The following UFSP2 variants were observed in gnomAD, a reference collection of about 807,000 sequenced individuals.
The protein encoded by UFSP2 is UFM1 specific peptidase 2.
Under a neutral mutation model 60.2 loss-of-function variants are expected in UFSP2, and 43 were observed. That is an observed-to-expected ratio of 0.71 (90% CI 0.56 to 0.92). The LOEUF is 0.92. Among genes scored for constraint, UFSP2 ranks in the 40% least tolerant of loss-of-function variants. UFSP2 has a pLI of 0.00. For synonymous variants in UFSP2, 183 were observed against 195.1 expected (o/e 0.94, Z 0.52); for missense variants, 520 against 575.0 (o/e 0.90, Z 0.98).
intron 7 of UFSP2, among the ~76,000 whole-genome samples, chr4:185,409,669 G>A (rs1218923787): frequency 6.6e-6 from 1 of 152,134 alleles, no homozygotes. Context: ...CCTAATCCCT[G>A]GAACTTGTGA....
At chr4:185,415,099 A>G in intron 6 of UFSP2, 56 bp downstream of exon 6, 3 of 1,391,020 alleles carry the variant, frequency 2.2e-6, no homozygotes, top group Non-Finnish European at 2.9e-6. Context: ...ATAATTAAAT[A>G]CAAAATGAAT....
At position 185,415,697 on chromosome 4, in the gene UFSP2, T is replaced by C. The variant is rs767836116; in HGVS notation, c.491+13A>G. The stretch of plus-strand genomic sequence containing the variant: ...TCATTCAAATGTGGCAGTGGTACTA[T>C]AAAAATACTTACTTTCCCCATGTTT... On this transcript the variant is annotated intron_variant, in intron 5 of 11. Coordinates refer to ENST00000264689, the MANE Select transcript of UFSP2 (RefSeq NM_018359.5). 3.1e-6 allele frequency: 5 copies of C among 1,602,602 alleles called. No homozygotes were observed. Among genetic ancestry groups the C allele is most frequent in the Non-Finnish European group, 4.3e-6 (5 of 1,174,972 alleles).
At chr4:185,403,694 A>T (rs761013250) in intron 10 of UFSP2, 76 bp from the exon 11 acceptor site, 16 of 1,541,828 alleles carry the variant, frequency 1.0e-5, no homozygotes, top group African/African-American at 1.4e-5. Context: ...AAATAGACAG[A>T]TTACGGCCGG....
In UFSP2 at chr4:185,399,913, C is replaced by T. The variant is rs1053218; in HGVS notation, c.*479G>A. 0.74 allele frequency: 1,144,584 copies of T among 1,539,990 alleles called. 432,646 individuals are homozygous for T. The highest frequency in any genetic ancestry group is 0.9 in the East Asian group (38,345 of 42,802). Reference sequence around the variant, plus strand: ...CATTAACATTTTAGTACTGGTTATACTTACCAGAGTCTAGAGACCAAAAAT... The same window carrying T: ...CATTAACATTTTAGTACTGGTTATATTTACCAGAGTCTAGAGACCAAAAAT... On this transcript the variant is annotated 3_prime_UTR_variant, in exon 12 of 12. Transcript: ENST00000264689.
chr4:185,407,524 TAGAA>T (rs1430390112), intron 9 of UFSP2, among the ~76,000 whole-genome samples: 10 of 152,116 alleles, frequency 6.6e-5, no homozygotes, highest in Non-Finnish European at 8.8e-5. Context: ...ATTAACGTTT[TAGAA>T]AGAAAAAGAG....
rs2095511853 is a variant in UFSP2 at position 185,400,374 on chromosome 4, C to CT, written c.*17dup. The CT allele has an allele frequency of 6.3e-7, 1 of 1,587,216 alleles. No individual in the cohort carries two copies. Among genetic ancestry groups the CT allele is most frequent in the Non-Finnish European group, 8.6e-7 (1 of 1,157,866 alleles). Reference sequence around the variant, plus strand: ...ATTTATAATACCACTCTACTGCAGTCTTTGACTCCAAGATATTTTAAATCA... The same window carrying CT: ...ATTTATAATACCACTCTACTGCAGTCTTTTGACTCCAAGATATTTTAAATCA... On this transcript the variant is annotated 3_prime_UTR_variant, in exon 12 of 12. Transcript: ENST00000264689.
intron 4 of UFSP2, among the ~76,000 whole-genome samples, chr4:185,417,334 T>G (rs2095540491): frequency 6.6e-6 from 1 of 152,190 alleles, no homozygotes; most frequent in African/African-American, 2.4e-5. Context: ...CAGCCCACAA[T>G]TATTTTATGC....
intron 7 of UFSP2, among the ~76,000 whole-genome samples, chr4:185,410,541 G>C (rs1215594981): frequency 6.6e-6 from 1 of 151,996 alleles, no homozygotes. Flanking sequence ...CTAGCTACTG[G>C]GGAGGCTGAG....
Position 185,408,212 on chromosome 4 carries a change from T to C in UFSP2, c.996+59A>G, listed in dbSNP as rs1005695642. ...ATGAGGTAACAAAAATTATCAATGG[T>C]ATATTAAGGGCTAATGAAACATACA... On this transcript the variant is annotated intron_variant, in intron 8 of 11. Transcript: ENST00000264689. 8 of 1,574,858 alleles carry C rather than the reference T, an allele frequency of 5.1e-6. No homozygotes were observed. In the East Asian group the frequency reaches 1.8e-4, roughly 35 times the overall value.
rs149105536 is a variant in UFSP2, at chr4:185,413,730, C to T, written c.827G>A (p.Gly276Asp). Residue 276 changes from glycine to aspartate, a missense_variant, in exon 7 of 12, where the codon GGT becomes GAT. Gly to Asp is a moderately conservative substitution (Grantham distance 94). Transcript: ENST00000264689. ...TAAATAATTAGTTAAACTCACCATA[C>T]CAGTCTCCATGTTAGGTGGATTAAG... is the stretch of plus-strand genomic sequence containing the variant. ...TYLNPPNMET[G>D]MIYVVQGIYG... The T allele has an allele frequency of 2.2e-5, 36 of 1,607,924 alleles. No individual in the cohort carries two copies. In the Admixed American group the frequency reaches 6.2e-4, roughly 28 times the overall value.
chr4:185,415,598 A>T (rs910088630), intron 5 of UFSP2, 112 bp downstream of exon 5: 3 of 1,019,578 alleles, frequency 2.9e-6, no homozygotes, highest in Non-Finnish European at 4.2e-6. Flanking sequence ...CTCTTAGGTT[A>T]ATAATAAACA....
intron 7 of UFSP2, 121 bp downstream of exon 7, chr4:185,413,605 G>C: frequency 2.0e-6 from 2 of 990,948 alleles, no homozygotes; most frequent in Non-Finnish European, 2.9e-6. Flanking sequence ...ACAGAGATGG[G>C]TGATAAATCA....
At chr4:185,422,433 G>T in intron 2 of UFSP2, 52 bp downstream of exon 2, 1 of 1,301,534 alleles carries the variant, frequency 7.7e-7, no homozygotes, top group Admixed American at 2.0e-5. Context: ...AATAATCTCA[G>T]TATATTTCAC....
Position 185,408,045 on chromosome 4 carries a change from C to T in UFSP2, c.1012G>A (p.Gly338Arg), listed in dbSNP as rs758668934. The T allele has an allele frequency of 1.2e-6, 2 of 1,613,766 alleles. No individual in the cohort carries two copies. Among genetic ancestry groups the T allele is most frequent in the East Asian group, 2.2e-5 (1 of 44,876 alleles). ...REIQQALVDAGDKPATFVGSR... is the reference protein window; with the variant it reads ...REIQQALVDARDKPATFVGSR... ...CCGACAAATGTTGCTGGTTTGTCCC[C>T]GGCATCGACTAGAGCCTTGATGTAT... is the stretch of plus-strand genomic sequence containing the variant. Residue 338 changes from glycine (G) to arginine (R), a missense_variant, in exon 9 of 12, where the codon GGG becomes AGG. Gly to Arg is a moderately radical substitution (Grantham distance 125). Transcript: ENST00000264689.
At chr4:185,424,804 A>C (rs2095556231) in intron 1 of UFSP2, among the ~76,000 whole-genome samples, 1 of 152,238 alleles carries the variant, frequency 6.6e-6, no homozygotes, top group Non-Finnish European at 1.5e-5. Context: ...TTATCACTTA[A>C]GTCTGTTTCT....
Position 185,418,468 on chromosome 4 carries a change from T to A in UFSP2, c.306A>T (p.Arg102Ser), listed in dbSNP as rs189395398. Residue 102 changes from arginine (R) to serine (S), a missense_variant, in exon 4 of 12, where the codon AGA (arginine) becomes AGT (serine). By Grantham distance (110) the Arg-to-Ser change is moderately radical (BLOSUM62 -1). Coordinates refer to ENST00000264689, the MANE Select transcript of UFSP2 (RefSeq NM_018359.5). ...TGTCTGATAACTTTTTGTCCTTCTT[T>A]CTCATGAATTTTCTTTTTATATCTT... is the stretch of plus-strand genomic sequence containing the variant. Reference protein sequence around the residue: ...PEEDIKRKFMRKKDKKLSDMH... With the variant: ...PEEDIKRKFMSKKDKKLSDMH... 1.2e-5 allele frequency: 20 copies of A among 1,611,006 alleles called. No homozygotes were observed. Among genetic ancestry groups the A allele is most frequent in the Middle Eastern group, 1.7e-4 (1 of 6,042 alleles).
chr4:185,423,388 A>G (rs933986882), intron 1 of UFSP2, among the ~76,000 whole-genome samples: 13 of 152,234 alleles, frequency 8.5e-5, no homozygotes, highest in African/African-American at 3.1e-4. Context: ...TGAGGGTGGG[A>G]TATCAACTGG....
chr4:185,400,574 A>G, intron 11 of UFSP2, 96 bp from the exon 12 acceptor site: 2 of 789,970 alleles, frequency 2.5e-6, no homozygotes, highest in Non-Finnish European at 4.1e-6. Flanking sequence ...GGACCTTGGA[A>G]TAAGACTCTA....
Position 185,413,818 on chromosome 4 carries a change from T to C in UFSP2, c.739A>G (p.Asn247Asp). The C allele has an allele frequency of 8.7e-6, 14 of 1,613,454 alleles. No individual in the cohort carries two copies. Among genetic ancestry groups the C allele is most frequent in the Non-Finnish European group, 1.2e-5 (14 of 1,179,662 alleles). ...PHDRPYFKRS[N>D]AYHFPDEPYK... is the part of the protein sequence containing the mutation. The stretch of plus-strand genomic sequence containing the variant: ...GGCTCATCTGGAAAGTGATAAGCAT[T>C]AGACCTTTTGAAATAGGGTCTGTCG... Residue 247 changes from asparagine (N) to aspartate (D), a missense_variant, in exon 7 of 12, where the codon AAT (asparagine) becomes GAT (aspartate). By Grantham distance (23) the Asn-to-Asp change is conservative (BLOSUM62 1). Transcript: ENST00000264689.
Sources: allele counts gnomAD v4.1 joint callset (sites outside exome capture counted in the v4.1 genomes callset), GRCh38; gene constraint gnomAD v4.1.1; transcripts MANE v1.5; gene names NCBI Gene and HGNC (gene_info 2026-07-23, HGNC 2026-07-21).